Variants in MAP3K19 observed in about 807,000 individuals in gnomAD.
The protein encoded by MAP3K19 is mitogen-activated protein kinase kinase kinase 19, also known as SPS1/STE20-related protein kinase YSK4.
A neutral mutation model predicts 114.4 loss-of-function variants in MAP3K19; 91 were observed. That is an observed-to-expected ratio of 0.80 (90% CI 0.67 to 0.95). The LOEUF is 0.95. MAP3K19 is among the 40% of genes least tolerant of loss of function. The pLI is 0.00. For missense variants in MAP3K19, 1,471 were observed against 1,573.2 expected, an observed-to-expected ratio of 0.94 and a Z score of 1.10; for synonymous variants, 518 against 530.5, an observed-to-expected ratio of 0.98 and a Z score of 0.32.
intron 5 of MAP3K19, 146 bp downstream of exon 5, chr2:135,021,569 G>C (rs1294741283): frequency 1.2e-5 from 7 of 577,992 alleles, no homozygotes; most frequent in Non-Finnish European, 1.5e-5. Context: ...TAAACTTTCA[G>C]AAGAGTGTCT....
intron 12 of MAP3K19, among the ~76,000 whole-genome samples, chr2:134,975,224 T>C (rs1269038963): frequency 4.6e-5 from 7 of 151,918 alleles, no homozygotes; most frequent in African/African-American, 1.7e-4. Context: ...GTGTGCTGGG[T>C]GGGTGGATAG....
chr2:135,016,476 C>G (rs1687592184), intron 5 of MAP3K19, among the ~76,000 whole-genome samples: 1 of 152,040 alleles, frequency 6.6e-6, no homozygotes, highest in Admixed American at 6.6e-5. Context: ...CAATATTGCC[C>G]TCAGTATTCT....
intron 8 of MAP3K19, among the ~76,000 whole-genome samples, chr2:134,998,029 G>A (rs2105286190): frequency 6.6e-6 from 1 of 152,168 alleles, no homozygotes; most frequent in East Asian, 1.9e-4. Context: ...GGTTGGTTGA[G>A]GACAGTGGTA....
rs1488177461 is a variant in MAP3K19, at chr2:134,999,285, G to A, written c.315-288C>T. Among the ~76,000 whole-genome samples the A allele has an allele frequency of 5.3e-5, 8 of 152,106 alleles. No homozygotes were observed. Among genetic ancestry groups the A allele is most frequent in the African/African-American group, 1.2e-4 (5 of 41,422 alleles). ...GAAATCAGAGACCAAGGGCAGGCCT[G>A]GGGGATGTACCCTTTTATCTCCACA... On this transcript the variant is annotated intron_variant, in intron 7 of 12. Transcript: ENST00000392915. This position sits in a 1 kb window ranked among gnomAD's most constrained non-coding sequence, Gnocchi z 4.1.
At chr2:135,025,913 CAAT>C (rs1428503685) in intron 3 of MAP3K19, among the ~76,000 whole-genome samples, 1 of 152,160 alleles carries the variant, frequency 6.6e-6, no homozygotes, top group African/African-American at 2.4e-5. Flanking sequence ...GTGAGGGAAA[CAAT>C]GATGAAACTT....
chr2:134,997,041 T>G (rs1327334460), intron 8 of MAP3K19, among the ~76,000 whole-genome samples: 1 of 152,012 alleles, frequency 6.6e-6, no homozygotes, highest in African/African-American at 2.4e-5. Context: ...ACAGCCGGAA[T>G]GTGTCTCAAA....
chr2:134,985,964 A>AT lies in MAP3K19; in HGVS notation c.2907dup (p.Leu970IlefsTer12). 7.4e-6 allele frequency: 12 copies of AT among 1,614,070 alleles called. No individual in the cohort carries two copies. The highest frequency in any genetic ancestry group is 9.3e-6 in the Non-Finnish European group (11 of 1,179,984). On this transcript the variant is annotated frameshift_variant, in exon 10 of 13. Transcript: ENST00000392915. LOFTEE classifies it high-confidence loss of function. ...AATAATTCTGCAGCTAGACAACCTA[A>AT]TAGTTCATCTGTCAATTCTTCATTA...
chr2:134,980,879 G>T lies in MAP3K19; in HGVS notation c.3862C>A (p.Pro1288Thr). Residue 1288 changes from proline to threonine, a missense_variant, in exon 12 of 13, where the codon CCT (proline) becomes ACT (threonine). Transcript: ENST00000392915. ...TTTTCTGAGAAGTGGTCTGGTAAAG[G>T]AGGCATCAGCCCTCGGTGTGCTCCG... Reference protein sequence around the residue: ...YIGAHRGLMPPLPDHFSENAA... With the variant: ...YIGAHRGLMPTLPDHFSENAA... The T allele has an allele frequency of 6.2e-7, 1 of 1,614,236 alleles. No homozygotes were observed. Among genetic ancestry groups the T allele is most frequent in the Non-Finnish European group, 8.5e-7 (1 of 1,180,044 alleles).
rs1382961455 is a variant in MAP3K19, at chr2:134,986,409, A to G, written c.2463T>C (p.Asp821=). 2.5e-6 allele frequency: 4 copies of G among 1,613,930 alleles called. No homozygotes were observed. Among genetic ancestry groups the G allele is most frequent in the South Asian group, 2.2e-5 (2 of 91,082 alleles). The part of the protein sequence containing the change: ...EEVSMEESTG[D]RDISNNQILT... ...GTATTTGATTGTTAGAAATGTCTCT[A>G]TCACCAGTAGACTCTTCCATAGAAA... Residue 821 remains aspartate (D), a synonymous_variant, in exon 10 of 13, where the codon GAT becomes GAC. Transcript: ENST00000392915.
At chr2:134,967,392 T>A (rs1249827707) in intron 12 of MAP3K19, among the ~76,000 whole-genome samples, 2 of 152,132 alleles carry the variant, frequency 1.3e-5, no homozygotes, top group African/African-American at 2.4e-5. Context: ...CTCTTGCAGT[T>A]GAGAGAGAGG....
chr2:134,979,443 C>CGTGTGTGT (rs59337402), intron 12 of MAP3K19, among the ~76,000 whole-genome samples: 18 of 146,884 alleles, frequency 1.2e-4, no homozygotes, highest in African/African-American at 4.0e-4. Flanking sequence ...TAAAGTGCTT[C>CGTGTGTGT]GTGTGTGTGT....
chr2:134,967,871 T>A (rs962667980), intron 12 of MAP3K19, among the ~76,000 whole-genome samples: 3 of 151,758 alleles, frequency 2.0e-5, no homozygotes, highest in African/African-American at 4.8e-5. Flanking sequence ...TTTTTTTTTT[T>A]ATTTTTTATT....
At position 135,028,884 on chromosome 2, in the gene MAP3K19, T is replaced by A. The variant is rs1688315314; in HGVS notation, c.-95+1428A>T. Reference sequence around the variant, plus strand: ...GAATTAATTAGTTAATTTTTTTTTTTAGTCGCTAAGAAGAAACCACCTCTG... The same window carrying A: ...GAATTAATTAGTTAATTTTTTTTTTAAGTCGCTAAGAAGAAACCACCTCTG... On this transcript the variant is annotated intron_variant, in intron 3 of 12. Coordinates refer to ENST00000392915, the MANE Select transcript of MAP3K19 (RefSeq NM_025052.5). 1.3e-5 allele frequency among the ~76,000 whole-genome samples: 2 copies of A among 152,194 alleles called. 1 individual carries two copies. The highest frequency in any genetic ancestry group is 4.1e-4 in the South Asian group (2 of 4,838).
intron 8 of MAP3K19, among the ~76,000 whole-genome samples, chr2:134,996,271 CTT>C (rs61265758): frequency 0.24 from 30,218 of 125,188 alleles, 3,366 homozygotes; most frequent in Middle Eastern, 0.57. Context: ...CTTCTTATTT[CTT>C]TTTTTTTTTT....
At chr2:134,985,626 A>C (rs1166631678) in intron 10 of MAP3K19, among the ~76,000 whole-genome samples, 174 bp downstream of exon 10, 1 of 152,138 alleles carries the variant, frequency 6.6e-6, no homozygotes, top group Admixed American at 6.5e-5. Context: ...AAAACATCTT[A>C]GCCTGGGGGT....
chr2:135,012,846 G>A (rs1174536266), intron 5 of MAP3K19, among the ~76,000 whole-genome samples: 4 of 152,280 alleles, frequency 2.6e-5, no homozygotes, highest in Non-Finnish European at 1.5e-5. Context: ...TTTTGATTAT[G>A]AGGATATTGT....
chr2:134,985,078 T>A (rs938884147), intron 10 of MAP3K19, among the ~76,000 whole-genome samples: 1 of 152,238 alleles, frequency 6.6e-6, no homozygotes, highest in African/African-American at 2.4e-5. Flanking sequence ...TTGGGAGGCT[T>A]GTGTACTTTA....
In MAP3K19 at chr2:134,986,456, C is replaced by A. The variant is rs1323315035; in HGVS notation, c.2416G>T (p.Asp806Tyr). ...MKQNEFPPVS[D>Y]LSIVEEVSME... ...GAAACTTCTTCAACAATGGATAAAT[C>A]TGAGACAGGAGGGAATTCATTCTGT... Residue 806 changes from aspartate (D) to tyrosine (Y), a missense_variant, in exon 10 of 13, where the codon GAT becomes TAT. Coordinates refer to ENST00000392915, the MANE Select transcript of MAP3K19 (RefSeq NM_025052.5). 6.2e-7 allele frequency: 1 copy of A among 1,614,096 alleles called. No individual in the cohort carries two copies. Among genetic ancestry groups the A allele is most frequent in the South Asian group, 1.1e-5 (1 of 91,074 alleles).
At chr2:135,013,594 C>T (rs1426272736) in intron 5 of MAP3K19, among the ~76,000 whole-genome samples, 10 of 152,032 alleles carry the variant, frequency 6.6e-5, no homozygotes, top group Non-Finnish European at 7.4e-5. Context: ...TCCTTCCTTC[C>T]CCTCATCCCT....
Sources: gnomAD v4.1 joint callset for allele counts (sites outside exome capture counted in the v4.1 genomes callset) on GRCh38, gnomAD v4.1.1 for gene constraint, Gnocchi (gnomAD v3.1) non-coding constraint, MANE v1.5 for transcripts, NCBI Gene and HGNC (gene_info 2026-07-23, HGNC 2026-07-21) for gene names.